Variants in TSPYL6 observed in about 807,000 individuals in gnomAD.
TSPYL6 encodes the protein testis-specific Y-encoded-like protein 6.
For missense variants in TSPYL6, 699 were observed against 531.5 expected, an observed-to-expected ratio of 1.32 and a Z score of -3.10; for synonymous variants, 259 against 214.8, an observed-to-expected ratio of 1.21 and a Z score of -1.80.
rs1449975402 is a variant in TSPYL6 at position 54,256,019 on chromosome 2, C to T, written c.133G>A (p.Glu45Lys). 16 of 1,614,154 alleles carry T rather than the reference C, an allele frequency of 9.9e-6. No homozygotes were observed. The highest frequency in any genetic ancestry group is 4.5e-5 in the East Asian group (2 of 44,882). ...VMADMFDGRL[E>K]PIVFPPPRLP... ...CGGGGCGGTGGGAACACGATTGGCT[C>T]CAAGCGGCCATCAAACATATCTGCC... Residue 45 changes from glutamate to lysine, a missense_variant, in exon 1 of 1, where the codon GAG becomes AAG. Transcript: ENST00000317802.
Position 54,254,911 on chromosome 2 carries a change from G to C in TSPYL6, c.*8C>G, listed in dbSNP as rs376878276. 1.2e-6 allele frequency: 2 copies of C among 1,603,744 alleles called. No homozygotes were observed. Among genetic ancestry groups the C allele is most frequent in the Non-Finnish European group, 1.7e-6 (2 of 1,176,620 alleles). On this transcript the variant is annotated 3_prime_UTR_variant, in exon 1 of 1. Coordinates refer to ENST00000317802, the MANE Select transcript of TSPYL6 (RefSeq NM_001003937.3). ...AACCTTCTGCAGGAGTAATTCCAAA[G>C]GCAAAGGTTAACCACACTGGAACCC...
Position 54,255,986 on chromosome 2 carries a change from C to G in TSPYL6, c.166G>C (p.Glu56Gln), listed in dbSNP as rs775469299. ...GGATCCTGGGGCGCGACCCCCTCCT[C>G]TGGAAGCCGGGGCGGTGGGAACACG... ...PIVFPPPRLP[E>Q]EGVAPQDPAD... Residue 56 changes from glutamate (E) to glutamine (Q), a missense_variant, in exon 1 of 1, where the codon GAG (glutamate) becomes CAG (glutamine). Transcript: ENST00000317802. 2.5e-6 allele frequency: 4 copies of G among 1,614,066 alleles called. No homozygotes were observed. The East Asian group carries it at 8.9e-5, about 36-fold the overall frequency.
At position 54,254,276 on chromosome 2, in the gene TSPYL6, C is replaced by T. The variant is rs1459004377; in HGVS notation, c.*643G>A. The stretch of plus-strand genomic sequence containing the variant: ...CTGACAGGAAAGCTGTGTCCACCAC[C>T]AGTGTTCTGGAGATCCCTGTTTATT... On this transcript the variant is annotated 3_prime_UTR_variant, in exon 1 of 1. Transcript: ENST00000317802. 6.6e-6 allele frequency: 1 copy of T among 152,302 alleles called. No homozygotes were observed. The highest frequency in any genetic ancestry group is 1.5e-5 in the Non-Finnish European group (1 of 68,184). The allele number at this position is 152,302 out of a possible 1,614,324, so 9.4% of individuals were successfully genotyped here. A position where few individuals can be genotyped will look rare whatever the true frequency, so the allele number is the denominator to read the frequency against.
chr2:54,256,050 C>G lies in TSPYL6; in HGVS notation c.102G>C (p.Glu34Asp). Reference sequence around the variant, plus strand: ...GGCCATCAAACATATCTGCCATTACCTCTGTCGCCTTGCTCTTTTCTCGGG... The same window carrying G: ...GGCCATCAAACATATCTGCCATTACGTCTGTCGCCTTGCTCTTTTCTCGGG... ...QRSREKSKAT[E>D]VMADMFDGRL... is the part of the protein sequence containing the mutation. Residue 34 changes from glutamate to aspartate, a missense_variant, in exon 1 of 1, where the codon GAG becomes GAC. Physicochemically the swap from Glu to Asp is conservative, Grantham distance 45. Transcript: ENST00000317802. The G allele has an allele frequency of 1.2e-6, 2 of 1,614,186 alleles. No individual in the cohort carries two copies. Among genetic ancestry groups the G allele is most frequent in the Non-Finnish European group, 1.7e-6 (2 of 1,180,042 alleles).
rs755195917 is a variant in TSPYL6 at position 54,255,005 on chromosome 2, A to T, written c.1147T>A (p.Leu383Met). The T allele has an allele frequency of 1.2e-6, 2 of 1,614,074 alleles. No homozygotes were observed. The highest frequency in any genetic ancestry group is 1.7e-6 in the Non-Finnish European group (2 of 1,180,008). ...LWSNPLQYYL[L>M]GEDAHRARRR... ...CTAGCTCTATGGGCGTCTTCACCCA[A>T]CAGGTAGTACTGCAGTGGATTTGAC... is the stretch of plus-strand genomic sequence containing the variant. The change falls in exon 1 of 1, where the codon TTG (leucine) becomes ATG (methionine). Residue 383 changes from leucine (L) to methionine (M), a missense_variant. Transcript: ENST00000317802.
Position 54,255,631 on chromosome 2 carries a change from G to A in TSPYL6, c.521C>T (p.Ala174Val), listed in dbSNP as rs973521434. 2 of 1,613,140 alleles carry A rather than the reference G, an allele frequency of 1.2e-6. No homozygotes were observed. The highest frequency in any genetic ancestry group is 1.7e-6 in the Non-Finnish European group (2 of 1,179,960). Residue 174 changes from alanine to valine, a missense_variant, in exon 1 of 1, where the codon GCG becomes GTG. Physicochemically the swap from Ala to Val is moderately conservative, Grantham distance 64. Transcript: ENST00000317802. ...CTCATCTATTGCTCTGTTTTCTTCC[G>A]CCACGTCCATTTCTTCGCCTCCTGG... ...EKPGGEEMDV[A>V]EENRAIDEVN...
rs746897592 is a variant in TSPYL6, at chr2:54,255,916, C to T, written c.236G>A (p.Arg79His). The T allele has an allele frequency of 1.9e-6, 3 of 1,614,048 alleles. No individual in the cohort carries two copies. The East Asian group carries it at 6.7e-5, about 36-fold the overall frequency. Residue 79 changes from arginine (R) to histidine (H), a missense_variant, in exon 1 of 1, where the codon CGC becomes CAC. Coordinates refer to ENST00000317802, the MANE Select transcript of TSPYL6 (RefSeq NM_001003937.3). ...HTFHILVDAG[R>H]SHGAIKAGQE... The stretch of plus-strand genomic sequence containing the variant: ...CCCCGCTTTGATGGCTCCATGACTG[C>T]GACCCGCATCGACCAAGATGTGGAA...
rs766240953 is a variant in TSPYL6, at chr2:54,255,755, C to T, written c.397G>A (p.Gly133Arg). 1.2e-6 allele frequency: 2 copies of T among 1,613,956 alleles called. No homozygotes were observed. The highest frequency in any genetic ancestry group is 8.5e-7 in the Non-Finnish European group (1 of 1,180,028). Residue 133 changes from glycine to arginine, a missense_variant, in exon 1 of 1, where the codon GGG becomes AGG. Physicochemically the swap from Gly to Arg is moderately radical, Grantham distance 125. Transcript: ENST00000317802. ...ACTTCAGACTCCGACCTCCCTGCCC[C>T]ACAGGTTTCTAGAGCCTTCTCCCCA... Reference protein sequence around the residue: ...LGGEKALETCGAGRSESEVIA... With the variant: ...LGGEKALETCRAGRSESEVIA...
rs543720958 is a variant in TSPYL6 at position 54,254,102 on chromosome 2, T to C, written c.*817A>G. On this transcript the variant is annotated 3_prime_UTR_variant, in exon 1 of 1. Coordinates refer to ENST00000317802, the MANE Select transcript of TSPYL6 (RefSeq NM_001003937.3). Reference sequence around the variant, plus strand: ...TGTGGCTGAGAAAGCCTGGTACTTGTCAAGAACACCAACATATTAACCTTG... The same window carrying C: ...TGTGGCTGAGAAAGCCTGGTACTTGCCAAGAACACCAACATATTAACCTTG... 1.3e-5 allele frequency: 2 copies of C among 152,332 alleles called. No individual in the cohort carries two copies. Among genetic ancestry groups the C allele is most frequent in the South Asian group, 4.1e-4 (2 of 4,832 alleles). 9.4% of individuals were successfully genotyped at this position (152,332 alleles called of 1,614,324 possible). A position where few individuals can be genotyped will look rare whatever the true frequency, so the allele number is the denominator to read the frequency against.
chr2:54,254,473 C>CGGTGGTCG lies in TSPYL6; in HGVS notation c.*445_*446insCGACCACC. The CGGTGGTCG allele has an allele frequency of 6.3e-6, 1 of 159,008 alleles. No homozygotes were observed. 9.8% of individuals were successfully genotyped at this position (159,008 alleles called of 1,614,324 possible). On this transcript the variant is annotated 3_prime_UTR_variant, in exon 1 of 1. Coordinates refer to ENST00000317802, the MANE Select transcript of TSPYL6 (RefSeq NM_001003937.3). The stretch of plus-strand genomic sequence containing the variant: ...AGACCAACTTGCCCCCTGCTGTTCT[C>CGGTGGTCG]CCTTGACTTCATTAATGCCCAGCAA...
chr2:54,255,022 G>T lies in TSPYL6; in HGVS notation c.1130C>A (p.Pro377Gln), dbSNP rs1414324329. The change falls in exon 1 of 1, where the codon CCA (proline) becomes CAA (glutamine). Residue 377 changes from proline (P) to glutamine (Q), a missense_variant. Transcript: ENST00000317802. ...TTCACCCAACAGGTAGTACTGCAGT[G>T]GATTTGACCAGAGGTCCTCTTTAAT... ...QIIKEDLWSN[P>Q]LQYYLLGEDA... 6.2e-7 allele frequency: 1 copy of T among 1,614,142 alleles called. No individual in the cohort carries two copies. Among genetic ancestry groups the T allele is most frequent in the East Asian group, 2.2e-5 (1 of 44,880 alleles).
chr2:54,256,000 G>C lies in TSPYL6; in HGVS notation c.152C>G (p.Pro51Arg). The change falls in exon 1 of 1, where the codon CCG (proline) becomes CGG (arginine). Residue 51 changes from proline to arginine, a missense_variant. By Grantham distance (103) the Pro-to-Arg change is moderately radical. Transcript: ENST00000317802. The part of the protein sequence containing the change: ...DGRLEPIVFP[P>R]PRLPEEGVAP... ...GACCCCCTCCTCTGGAAGCCGGGGC[G>C]GTGGGAACACGATTGGCTCCAAGCG... 1 of 1,614,108 alleles carries C rather than the reference G, an allele frequency of 6.2e-7. No homozygotes were observed. The highest frequency in any genetic ancestry group is 8.5e-7 in the Non-Finnish European group (1 of 1,180,018).
In TSPYL6 at chr2:54,254,961, C is replaced by G; in HGVS notation, c.1191G>C (p.Glu397Asp). 6.2e-7 allele frequency: 1 copy of G among 1,613,722 alleles called. No individual in the cohort carries two copies. The highest frequency in any genetic ancestry group is 8.5e-7 in the Non-Finnish European group (1 of 1,179,904). ...AHRARRRLVR[E>D]PVEIPRPFGF... ...CAAAGGGCCTGGGGATCTCCACTGG[C>G]TCCCTTACCAGGCGACGTCTAGCTC... Residue 397 changes from glutamate (E) to aspartate (D), a missense_variant, in exon 1 of 1, where the codon GAG becomes GAC. By Grantham distance (45) the Glu-to-Asp change is conservative. Coordinates refer to ENST00000317802, the MANE Select transcript of TSPYL6 (RefSeq NM_001003937.3).
Position 54,255,865 on chromosome 2 carries a change from T to C in TSPYL6, c.287A>G (p.Glu96Gly), listed in dbSNP as rs771617673. ...CGAGGCAGAGGCCGCTTCTAGGCCC[T>C]CCGCGGGTGGTGGAGTCACTTCCTG... ...AGQEVTPPPA[E>G]GLEAASASLT... is the part of the protein sequence containing the mutation. Residue 96 changes from glutamate (E) to glycine (G), a missense_variant, in exon 1 of 1, where the codon GAG becomes GGG. Coordinates refer to ENST00000317802, the MANE Select transcript of TSPYL6 (RefSeq NM_001003937.3). 6.2e-7 allele frequency: 1 copy of C among 1,613,914 alleles called. No individual in the cohort carries two copies. The highest frequency in any genetic ancestry group is 8.5e-7 in the Non-Finnish European group (1 of 1,179,998).
Position 54,255,995 on chromosome 2 carries a change from G to A in TSPYL6, c.157C>T (p.Arg53Trp), listed in dbSNP as rs1558648083. The change falls in exon 1 of 1, where the codon CGG (arginine) becomes TGG (tryptophan). Residue 53 changes from arginine to tryptophan, a missense_variant. Transcript: ENST00000317802. ...GGCGCGACCCCCTCCTCTGGAAGCC[G>A]GGGCGGTGGGAACACGATTGGCTCC... ...RLEPIVFPPP[R>W]LPEEGVAPQD... 1.9e-6 allele frequency: 3 copies of A among 1,614,118 alleles called. No individual in the cohort carries two copies. The highest frequency in any genetic ancestry group is 2.2e-5 in the East Asian group (1 of 44,876).
rs753337952 is a variant in TSPYL6, at chr2:54,256,181, G to A, written c.-30C>T. ...GTAGCGGCCAGGGCAGCAGTGGGTA[G>A]AGGCCAGGCCAGAGGTAGGTAGCGT... On this transcript the variant is annotated 5_prime_UTR_variant, in exon 1 of 1. Coordinates refer to ENST00000317802, the MANE Select transcript of TSPYL6 (RefSeq NM_001003937.3). The A allele has an allele frequency of 1.1e-4, 170 of 1,589,448 alleles. No homozygotes were observed. Among genetic ancestry groups the A allele is most frequent in the Non-Finnish European group, 1.4e-4 (161 of 1,166,684 alleles).
rs1179980830 is a variant in TSPYL6, at chr2:54,256,070, C to T, written c.82G>A (p.Glu28Lys). The change falls in exon 1 of 1, where the codon GAA becomes AAA. Residue 28 changes from glutamate (E) to lysine (K), a missense_variant. Coordinates refer to ENST00000317802, the MANE Select transcript of TSPYL6 (RefSeq NM_001003937.3). ...ATTACCTCTGTCGCCTTGCTCTTTT[C>T]TCGGGACCTCTGGCCCTGGTGCGGG... Reference protein sequence around the residue: ...EDPHQGQRSREKSKATEVMAD... With the variant: ...EDPHQGQRSRKKSKATEVMAD... 2.5e-6 allele frequency: 4 copies of T among 1,614,058 alleles called. No individual in the cohort carries two copies. Among genetic ancestry groups the T allele is most frequent in the South Asian group, 1.1e-5 (1 of 91,090 alleles).
Position 54,256,026 on chromosome 2 carries a change from G to T in TSPYL6, c.126C>A (p.Gly42=). The T allele has an allele frequency of 6.2e-7, 1 of 1,614,148 alleles. No homozygotes were observed. The highest frequency in any genetic ancestry group is 8.5e-7 in the Non-Finnish European group (1 of 1,180,012). Residue 42 remains glycine, a synonymous_variant, in exon 1 of 1, where the codon GGC becomes GGA. Transcript: ENST00000317802. ...GTGGGAACACGATTGGCTCCAAGCG[G>T]CCATCAAACATATCTGCCATTACCT... ...ATEVMADMFD[G]RLEPIVFPPP...
chr2:54,255,763 T>C lies in TSPYL6; in HGVS notation c.389A>G (p.Glu130Gly). ...THGLGGEKAL[E>G]TCGAGRSESE... ...CTCCGACCTCCCTGCCCCACAGGTT[T>C]CTAGAGCCTTCTCCCCACCTAGGCC... The change falls in exon 1 of 1, where the codon GAA becomes GGA. Residue 130 changes from glutamate (E) to glycine (G), a missense_variant. By Grantham distance (98) the Glu-to-Gly change is moderately conservative (BLOSUM62 -2). Transcript: ENST00000317802. The C allele has an allele frequency of 6.2e-7, 1 of 1,613,860 alleles. No homozygotes were observed.
Sources: gnomAD v4.1 joint callset for allele counts on GRCh38, gnomAD v4.1.1 for gene constraint, MANE v1.5 for transcripts, NCBI Gene and HGNC (gene_info 2026-07-23, HGNC 2026-07-21) for gene names.